Variants in LNP1 observed in about 807,000 individuals in gnomAD.
LNP1 encodes leukemia NUP98 fusion partner 1.
LNP1 carries 12 observed loss-of-function variants against 14.5 expected under a neutral mutation model. The observed-to-expected ratio is 0.83, with a 90% CI of 0.53 to 1.34. The LOEUF (loss-of-function observed/expected upper bound fraction) is 1.34. LNP1 is among the 40% of genes most tolerant of loss of function. The pLI, the probability that LNP1 is intolerant of heterozygous loss-of-function variation, is 0.00. For missense variants in LNP1, 198 were observed against 210.9 expected (o/e 0.94, Z 0.38); for synonymous variants, 75 against 71.4 (o/e 1.05, Z -0.26).
At chr3:100,408,689 G>T (rs556533991) in intron 1 of LNP1, among the ~76,000 whole-genome samples, 3 of 152,080 alleles carry the variant, frequency 2.0e-5, no homozygotes, top group African/African-American at 7.2e-5. Context: ...GTCATGGGGG[G>T]GTCTACCCAG....
At chr3:100,447,805 A>G (rs544513626) in intron 2 of LNP1, among the ~76,000 whole-genome samples, 1 of 152,108 alleles carries the variant, frequency 6.6e-6, no homozygotes, top group South Asian at 2.1e-4. Flanking sequence ...TTCCCTCTTT[A>G]TTTTGATAAC....
At chr3:100,447,970 C>T (rs761459179) in intron 2 of LNP1, among the ~76,000 whole-genome samples, 1 of 152,140 alleles carries the variant, frequency 6.6e-6, no homozygotes, top group Non-Finnish European at 1.5e-5. Context: ...ATATTTTTAA[C>T]TGGAAAATAC....
intron 1 of LNP1, among the ~76,000 whole-genome samples, chr3:100,425,421 A>G (rs1017553794): frequency 6.6e-6 from 1 of 152,310 alleles, no homozygotes; most frequent in Middle Eastern, 3.4e-3. Context: ...TCTCATAGTC[A>G]GTGCTGTTGG....
intron 1 of LNP1, among the ~76,000 whole-genome samples, chr3:100,413,944 A>AT (rs575734127): frequency 3.9e-4 from 59 of 152,176 alleles, no homozygotes; most frequent in African/African-American, 1.3e-3. Context: ...TCTTTCTGCC[A>AT]TTTTTTCCCG....
chr3:100,451,659 C>A, intron 2 of LNP1, 60 bp from the exon 3 acceptor site: 1 of 807,826 alleles, frequency 1.2e-6, no homozygotes. Flanking sequence ...AACATTCTGC[C>A]TCTGTGCTAA....
intron 2 of LNP1, among the ~76,000 whole-genome samples, chr3:100,446,066 C>A (rs372188201): frequency 6.6e-6 from 1 of 152,254 alleles, no homozygotes; most frequent in East Asian, 1.9e-4. Flanking sequence ...ATCAGGCTAC[C>A]AAAGACTTTC....
At chr3:100,419,750 T>A (rs1707126646) in intron 1 of LNP1, among the ~76,000 whole-genome samples, 1 of 152,094 alleles carries the variant, frequency 6.6e-6, no homozygotes, top group Non-Finnish European at 1.5e-5. Context: ...ATTTATATAA[T>A]TATAAAATTC....
intron 3 of LNP1, 41 bp downstream of exon 3, chr3:100,451,990 A>C (rs765445691): frequency 1.5e-6 from 2 of 1,368,038 alleles, no homozygotes; most frequent in Admixed American, 4.3e-5. Flanking sequence ...CGCTTTAAAA[A>C]AGGAAACCCA....
chr3:100,422,061 G>A (rs2148901678), intron 1 of LNP1, among the ~76,000 whole-genome samples: 1 of 152,238 alleles, frequency 6.6e-6, no homozygotes, highest in East Asian at 1.9e-4. Flanking sequence ...TTCTTATGGA[G>A]AGGCTTGTAG....
chr3:100,434,446 A>C (rs1432527715), intron 2 of LNP1, among the ~76,000 whole-genome samples: 2 of 150,990 alleles, frequency 1.3e-5, no homozygotes, highest in African/African-American at 4.9e-5. Flanking sequence ...GGTACCTGTT[A>C]CCTGTTACCA....
intron 2 of LNP1, among the ~76,000 whole-genome samples, chr3:100,431,927 C>T (rs1309499800): frequency 2.8e-5 from 4 of 142,162 alleles, no homozygotes; most frequent in Admixed American, 7.3e-5. Context: ...CCCAAGAGGT[C>T]GAGGCTGCAG....
Position 100,455,238 on chromosome 3 carries a change from CA to C in LNP1, c.388-537del, listed in dbSNP as rs544410410. Among the ~76,000 whole-genome samples the C allele has an allele frequency of 3.3e-5, 5 of 152,316 alleles. No homozygotes were observed. The East Asian group carries it at 9.6e-4, about 29-fold the overall frequency. On this transcript the variant is annotated intron_variant, in intron 3 of 3. Transcript: ENST00000383693. ...AGTGTTATATCTCCTGATCCTACAA[CA>C]ACAGTTTATGTTCAATTAATCAGTG...
intron 2 of LNP1, among the ~76,000 whole-genome samples, chr3:100,438,284 A>G (rs1707310610): frequency 6.6e-6 from 1 of 152,136 alleles, no homozygotes; most frequent in African/African-American, 2.4e-5. Flanking sequence ...TTTTAGGTTT[A>G]TTGTCACTTA....
At chr3:100,449,662 A>G (rs888641821) in intron 2 of LNP1, among the ~76,000 whole-genome samples, 2 of 152,130 alleles carry the variant, frequency 1.3e-5, no homozygotes, top group Admixed American at 6.5e-5. Flanking sequence ...AATCAAACCA[A>G]AAAAAACAAC....
At chr3:100,406,018 G>A (rs1484327884) in intron 1 of LNP1, among the ~76,000 whole-genome samples, 1 of 152,204 alleles carries the variant, frequency 6.6e-6, no homozygotes, top group African/African-American at 2.4e-5. Flanking sequence ...GGGTGCAGTG[G>A]CTTGTGCCTG....
At chr3:100,438,850 A>G (rs1030804226) in intron 2 of LNP1, among the ~76,000 whole-genome samples, 3 of 152,200 alleles carry the variant, frequency 2.0e-5, no homozygotes, top group Non-Finnish European at 4.4e-5. Flanking sequence ...CTACAGCGTG[A>G]TTCACAAAAC....
At chr3:100,439,603 C>T (rs1005672378) in intron 2 of LNP1, among the ~76,000 whole-genome samples, 2 of 152,198 alleles carry the variant, frequency 1.3e-5, no homozygotes, top group African/African-American at 2.4e-5. Flanking sequence ...TACTTCTCCT[C>T]TACCCCCCTA....
chr3:100,414,611 G>A (rs1446211526), intron 1 of LNP1, among the ~76,000 whole-genome samples: 1 of 152,016 alleles, frequency 6.6e-6, no homozygotes, highest in Non-Finnish European at 1.5e-5. Flanking sequence ...AATCAAGAGA[G>A]CCCCTCAGAG....
intron 1 of LNP1, among the ~76,000 whole-genome samples, chr3:100,405,562 T>C (rs1234734269): frequency 6.6e-6 from 1 of 152,198 alleles, no homozygotes; most frequent in African/African-American, 2.4e-5. Flanking sequence ...CAAATTTGGT[T>C]TGTGTCCTCA....
Sources: allele counts gnomAD v4.1 joint callset (sites outside exome capture counted in the v4.1 genomes callset), GRCh38; gene constraint gnomAD v4.1.1; transcripts MANE v1.5; gene names NCBI Gene and HGNC (gene_info 2026-07-23, HGNC 2026-07-21).